The following PRDM5 variants were observed in gnomAD, a reference collection of about 807,000 sequenced individuals.
PRDM5 encodes PR domain zinc finger protein 5.
Under a neutral mutation model 81.2 loss-of-function variants are expected in PRDM5, and 56 were observed. The observed-to-expected ratio is 0.69, with a 90% CI of 0.56 to 0.86. The LOEUF is 0.86. Ranked by LOEUF, PRDM5 falls within the 40% of genes least tolerant of loss-of-function variation. PRDM5 has a pLI of 0.00. For missense variants in PRDM5, 697 were observed against 770.1 expected (o/e 0.91, Z 1.12); for synonymous variants, 267 against 256.4 (o/e 1.04, Z -0.39).
chr4:120,904,687 C>T (rs1765604656), intron 2 of PRDM5, among the ~76,000 whole-genome samples: 1 of 152,134 alleles, frequency 6.6e-6, no homozygotes, highest in Non-Finnish European at 1.5e-5. Context: ...AGATGATGTA[C>T]TGTGGAACTG....
chr4:120,783,130 C>A (rs1749279163), intron 11 of PRDM5, among the ~76,000 whole-genome samples: 1 of 152,082 alleles, frequency 6.6e-6, no homozygotes, highest in Non-Finnish European at 1.5e-5. Flanking sequence ...CTAACAACAG[C>A]TTTCATATTT....
At chr4:120,766,023 G>A (rs1194752817) in intron 13 of PRDM5, among the ~76,000 whole-genome samples, 1 of 148,238 alleles carries the variant, frequency 6.7e-6, no homozygotes, top group South Asian at 2.1e-4. Context: ...GCAATGGCAC[G>A]ATCTCAGCTC....
intron 3 of PRDM5, among the ~76,000 whole-genome samples, chr4:120,824,264 A>G (rs1183138921): frequency 2.0e-5 from 3 of 152,156 alleles, no homozygotes; most frequent in African/African-American, 7.2e-5. Flanking sequence ...TGTGGTTCAG[A>G]TTTGATCACT....
At chr4:120,741,574 T>C (rs113827716) in intron 14 of PRDM5, among the ~76,000 whole-genome samples, 7,023 of 151,944 alleles carry the variant, frequency 0.046, 317 homozygotes, top group Middle Eastern at 0.15. Context: ...GTGCGCGCAC[T>C]GTGCACGAGC....
At chr4:120,840,505 G>A (rs1305919441) in intron 3 of PRDM5, among the ~76,000 whole-genome samples, 1 of 152,130 alleles carries the variant, frequency 6.6e-6, no homozygotes, top group African/African-American at 2.4e-5. Context: ...TACAGTGACT[G>A]CATGGCTGGC....
chr4:120,706,265 C>T (rs1038269427), intron 15 of PRDM5, among the ~76,000 whole-genome samples: 2 of 152,096 alleles, frequency 1.3e-5, no homozygotes, highest in African/African-American at 4.8e-5. Flanking sequence ...CAAATAACAC[C>T]TATATATTCC....
chr4:120,772,524 A>G (rs111357579), intron 13 of PRDM5, among the ~76,000 whole-genome samples: 6,891 of 152,304 alleles, frequency 0.045, 308 homozygotes, highest in Middle Eastern at 0.15. Flanking sequence ...CAGCGGCGGC[A>G]GCAGCAGTGG....
chr4:120,717,472 A>G (rs537263445), intron 14 of PRDM5, among the ~76,000 whole-genome samples: 4 of 152,360 alleles, frequency 2.6e-5, no homozygotes, highest in East Asian at 3.9e-4. Context: ...ATAAAAGAAC[A>G]GTATCTTCAA....
In PRDM5 at chr4:120,785,006, A is replaced by AAAGG; in HGVS notation, c.1273_1274insCCTT (p.Ile425ThrfsTer4). On this transcript the variant is annotated frameshift_variant, in exon 11 of 16. Transcript: ENST00000264808. LOFTEE classifies it high-confidence loss of function. Reference sequence around the variant, plus strand: ...CCTGAATCGTGACTTACTGTTATGTATTAGCAGGTGTCTCTGTAAAGAAAA... The same window carrying AAAGG: ...CCTGAATCGTGACTTACTGTTATGTAAAGGTTAGCAGGTGTCTCTGTAAAGAAAA... The AAAGG allele has an allele frequency of 6.3e-7, 1 of 1,593,928 alleles. No individual in the cohort carries two copies.
intron 15 of PRDM5, among the ~76,000 whole-genome samples, chr4:120,696,544 A>G (rs975261639): frequency 2.0e-5 from 3 of 152,150 alleles, no homozygotes; most frequent in African/African-American, 7.2e-5. Flanking sequence ...TGACTCTACT[A>G]TTTACTAAGG....
At chr4:120,897,887 AT>A (rs1371021100) in intron 2 of PRDM5, among the ~76,000 whole-genome samples, 2 of 152,174 alleles carry the variant, frequency 1.3e-5, no homozygotes, top group Non-Finnish European at 2.9e-5. Context: ...CATGGTTATT[AT>A]AAAGTCCACA....
downstream of PRDM5, among the ~76,000 whole-genome samples, chr4:120,688,505 C>T (rs980060334): frequency 4.6e-5 from 7 of 152,108 alleles, no homozygotes; most frequent in Non-Finnish European, 5.9e-5. Flanking sequence ...TCTATTTTTG[C>T]TTTTGTTGTC....
At chr4:120,778,614 C>T (rs1748534372) in intron 12 of PRDM5, among the ~76,000 whole-genome samples, 4 of 152,028 alleles carry the variant, frequency 2.6e-5, no homozygotes, top group Admixed American at 2.0e-4. Flanking sequence ...AAACTAAAGA[C>T]CTTAGTCAGT....
intron 14 of PRDM5, among the ~76,000 whole-genome samples, chr4:120,726,763 A>C (rs1334097307): frequency 6.6e-6 from 1 of 152,186 alleles, no homozygotes; most frequent in Non-Finnish European, 1.5e-5. Flanking sequence ...TACACTGGGC[A>C]CTTGAAGACA....
chr4:120,851,548 C>T (rs1311668800), intron 3 of PRDM5, among the ~76,000 whole-genome samples: 1 of 151,500 alleles, frequency 6.6e-6, no homozygotes, highest in South Asian at 2.1e-4. Context: ...GCTTGAATAT[C>T]CCCGGCTGCC....
At chr4:120,758,752 T>C (rs1745154780) in intron 13 of PRDM5, among the ~76,000 whole-genome samples, 1 of 151,106 alleles carries the variant, frequency 6.6e-6, no homozygotes, top group Non-Finnish European at 1.5e-5. Flanking sequence ...TTAACAGTCA[T>C]CCTACTCTTT....
At chr4:120,788,593 T>C (rs1325855008) in intron 10 of PRDM5, among the ~76,000 whole-genome samples, 1 of 152,258 alleles carries the variant, frequency 6.6e-6, no homozygotes, top group African/African-American at 2.4e-5. Context: ...AAATACTATA[T>C]TCCTCCCTAA....
chr4:120,859,433 C>A (rs1015008504), intron 2 of PRDM5, among the ~76,000 whole-genome samples: 6 of 152,052 alleles, frequency 3.9e-5, no homozygotes, highest in African/African-American at 1.4e-4. Context: ...CTATATTGCC[C>A]AGGCTGGTCT....
intron 2 of PRDM5, among the ~76,000 whole-genome samples, chr4:120,854,913 A>C (rs1257343170): frequency 1.3e-5 from 2 of 152,000 alleles, no homozygotes; most frequent in African/African-American, 4.8e-5. Context: ...TCGGTTTGGA[A>C]ATGAATTAGG....
Sources: allele counts gnomAD v4.1 joint callset (sites outside exome capture counted in the v4.1 genomes callset), GRCh38; gene constraint gnomAD v4.1.1; transcripts MANE v1.5; gene names NCBI Gene and HGNC (gene_info 2026-07-23, HGNC 2026-07-21).